The following HLA-DOB variants were observed in gnomAD, a reference collection of about 807,000 sequenced individuals.
HLA-DOB encodes HLA class II histocompatibility antigen, DO beta chain.
A neutral mutation model predicts 27.7 loss-of-function variants in HLA-DOB; 25 were observed. The observed-to-expected ratio is 0.90, with a 90% CI of 0.66 to 1.26. The LOEUF is 1.26. Ranked by LOEUF, HLA-DOB falls within the 50% of genes most tolerant of loss-of-function variation. The pLI, the probability that HLA-DOB is intolerant of heterozygous loss-of-function variation, is 0.00. For missense variants in HLA-DOB, 306 were observed against 324.9 expected, an observed-to-expected ratio of 0.94 and a Z score of 0.45; for synonymous variants, 137 against 125.6, an observed-to-expected ratio of 1.09 and a Z score of -0.61.
intron 1 of HLA-DOB, 125 bp from the exon 2 acceptor site, chr6:32,815,438 A>C: frequency 1.1e-6 from 1 of 879,896 alleles, no homozygotes; most frequent in Non-Finnish European, 1.8e-6. Flanking sequence ...CAAAAAGCAC[A>C]GTGTCAAGTG....
chr6:32,815,907 G>T (rs972410884), intron 1 of HLA-DOB, among the ~76,000 whole-genome samples: 1 of 152,118 alleles, frequency 6.6e-6, no homozygotes, highest in Non-Finnish European at 1.5e-5. Context: ...GACCTTCCTG[G>T]GTGAACCCCA....
At position 32,812,973 on chromosome 6, in the gene HLA-DOB, G is replaced by T. The variant is rs1041608912; in HGVS notation, c.*243C>A. Reference sequence around the variant, plus strand: ...CTGGAAGGAGTAAGGTCTCAGGGGAGTTTCTGGACAATGCCCTTGGCAATG... The same window carrying T: ...CTGGAAGGAGTAAGGTCTCAGGGGATTTTCTGGACAATGCCCTTGGCAATG... On this transcript the variant is annotated 3_prime_UTR_variant, in exon 6 of 6. Transcript: ENST00000438763. The T allele has an allele frequency of 1.7e-5, 10 of 584,630 alleles. No homozygotes were observed. Among genetic ancestry groups the T allele is most frequent in the African/African-American group, 1.3e-4 (7 of 53,626 alleles). The allele number at this position is 584,630 out of a possible 1,614,324, so 36.2% of individuals were successfully genotyped here.
rs757591344 is a variant in HLA-DOB, at chr6:32,814,648, C to T, written c.362-47G>A. ...GACACCGTGAAAGAAAACCACCAAG[C>T]TGGGACAGGAGATTCTTTAGGGACT... On this transcript the variant is annotated intron_variant, in intron 2 of 5. Coordinates refer to ENST00000438763, the MANE Select transcript of HLA-DOB (RefSeq NM_002120.4). 4.3e-4 allele frequency: 662 copies of T among 1,527,286 alleles called. 1 individual carries two copies. The highest frequency in any genetic ancestry group is 5.3e-4 in the Non-Finnish European group (588 of 1,109,944). The allele number at this position is 1,527,286 out of a possible 1,614,324, so 94.6% of individuals were successfully genotyped here.
In HLA-DOB at chr6:32,813,025, G is replaced by C; in HGVS notation, c.*191C>G. On this transcript the variant is annotated 3_prime_UTR_variant, in exon 6 of 6. Transcript: ENST00000438763. Reference sequence around the variant, plus strand: ...GGATTAATGATGTACACGTAGAAGGGAGAAGGGCAGATGGGTGGGAGATGC... The same window carrying C: ...GGATTAATGATGTACACGTAGAAGGCAGAAGGGCAGATGGGTGGGAGATGC... 1.1e-5 allele frequency: 7 copies of C among 634,746 alleles called. No homozygotes were observed. The highest frequency in any genetic ancestry group is 2.0e-5 in the Non-Finnish European group (7 of 353,672). The allele number at this position is 634,746 out of a possible 1,614,324, so 39.3% of individuals were successfully genotyped here.
Position 32,814,516 on chromosome 6 carries a change from A to G in HLA-DOB, c.447T>C (p.Tyr149=). The G allele has an allele frequency of 6.2e-7, 1 of 1,613,066 alleles. No homozygotes were observed. The highest frequency in any genetic ancestry group is 1.3e-5 in the African/African-American group (1 of 75,040). The part of the protein sequence containing the change: ...NLLHCSVTGF[Y]PGDIKIKWFL... ...ACCACTTGATCTTGATATCCCCTGG[A>G]TAGAAGCCTGTCACAGAGCAGTGCA... The change falls in exon 3 of 6, where the codon TAT becomes TAC. Residue 149 remains tyrosine, a synonymous_variant. Coordinates refer to ENST00000438763, the MANE Select transcript of HLA-DOB (RefSeq NM_002120.4).
chr6:32,813,252 C>G lies in HLA-DOB; in HGVS notation c.787-1G>C. 6.2e-7 allele frequency: 1 copy of G among 1,613,034 alleles called. No homozygotes were observed. On this transcript the variant is annotated splice_acceptor_variant, in intron 5 of 5. Transcript: ENST00000438763. LOFTEE classifies it high-confidence loss of function. Reference sequence around the variant, plus strand: ...GAGGGAGCAGAACAGCTCTTGAGACCTGGAGGCACAGTGATGAAGGTCTCA... The same window carrying G: ...GAGGGAGCAGAACAGCTCTTGAGACGTGGAGGCACAGTGATGAAGGTCTCA...
intron 4 of HLA-DOB, 104 bp downstream of exon 4, chr6:32,813,617 TGA>T: frequency 1.7e-6 from 2 of 1,182,754 alleles, no homozygotes; most frequent in Non-Finnish European, 2.5e-6. Context: ...CGGTGATCCC[TGA>T]GAGGCACAAT....
At position 32,814,448 on chromosome 6, in the gene HLA-DOB, C is replaced by T; in HGVS notation, c.515G>A (p.Gly172Asp). 1 of 1,610,434 alleles carries T rather than the reference C, an allele frequency of 6.2e-7. No individual in the cohort carries two copies. The highest frequency in any genetic ancestry group is 8.5e-7 in the Non-Finnish European group (1 of 1,177,508). The change falls in exon 3 of 6, where the codon GGC becomes GAC. Residue 172 changes from glycine (G) to aspartate (D), a missense_variant. Transcript: ENST00000438763. Reference sequence around the variant, plus strand: ...GGTCCAGTCTCCATTCCTGATAGGGCCAGTGGACATGACCCCAGCTCTCTC... The same window carrying T: ...GGTCCAGTCTCCATTCCTGATAGGGTCAGTGGACATGACCCCAGCTCTCTC... Reference protein sequence around the residue: ...QEERAGVMSTGPIRNGDWTFQ... With the variant: ...QEERAGVMSTDPIRNGDWTFQ...
At chr6:32,814,628 C>G (rs772576717) in intron 2 of HLA-DOB, 27 bp from the exon 3 acceptor site, 1 of 1,596,722 alleles carries the variant, frequency 6.3e-7, no homozygotes, top group Non-Finnish European at 8.6e-7. Flanking sequence ...AATGAGACAC[C>G]GTGAAAGAAA....
chr6:32,813,527 T>TC, intron 4 of HLA-DOB, 56 bp from the exon 5 acceptor site: 1 of 1,587,302 alleles, frequency 6.3e-7, no homozygotes, highest in Non-Finnish European at 8.6e-7. Flanking sequence ...AATATGATTA[T>TC]CCCGAGGGAA....
At chr6:32,814,251 A>T (rs5024480) in intron 3 of HLA-DOB, 69 bp downstream of exon 3, 1 of 949,900 alleles carries the variant, frequency 1.1e-6, no homozygotes, top group Non-Finnish European at 1.5e-6. Context: ...CGCAGAAGTG[A>T]CACAGGCTCT....
chr6:32,816,530 G>T (rs1768026021), intron 1 of HLA-DOB, among the ~76,000 whole-genome samples: 1 of 152,108 alleles, frequency 6.6e-6, no homozygotes, highest in Non-Finnish European at 1.5e-5. Flanking sequence ...CCTACTGCAG[G>T]TTGTTTCTCC....
Position 32,813,445 on chromosome 6 carries a change from T to TACCAGACATCTGCGTCCTC in HLA-DOB, c.762_780dup (p.Asn261GlufsTer7). 1 of 1,613,038 alleles carries TACCAGACATCTGCGTCCTC rather than the reference T, an allele frequency of 6.2e-7. No individual in the cohort carries two copies. Among genetic ancestry groups the TACCAGACATCTGCGTCCTC allele is most frequent in the Non-Finnish European group, 8.5e-7 (1 of 1,179,932 alleles). On this transcript the variant is annotated frameshift_variant, in exon 5 of 6. Transcript: ENST00000438763. LOFTEE classifies it low-confidence loss of function (END_TRUNC). ...CAAGGAAAAAGAGACATTACCTCAT[T>TACCAGACATCTGCGTCCTC]ACCAGACATCTGCGTCCTCACATAT... is the stretch of plus-strand genomic sequence containing the variant.
At chr6:32,813,337 G>C in intron 5 of HLA-DOB, 86 bp from the exon 6 acceptor site, 4 of 1,590,770 alleles carry the variant, frequency 2.5e-6, no homozygotes, top group Non-Finnish European at 3.4e-6. Flanking sequence ...GTCCCATCCA[G>C]ACAGCAGCAA....
Position 32,815,210 on chromosome 6 carries a change from A to T in HLA-DOB, c.195T>A (p.Arg65=). The change falls in exon 2 of 6, where the codon CGT becomes CGA. Residue 65 remains arginine, a synonymous_variant. Coordinates refer to ENST00000438763, the MANE Select transcript of HLA-DOB (RefSeq NM_002120.4). ...CAAACATCCCCACATCACTGTCGAAACGTACATACTCCTCCAAGTTAAAGA... is the reference window on the plus strand; with the variant it reads ...CAAACATCCCCACATCACTGTCGAATCGTACATACTCCTCCAAGTTAAAGA... The part of the protein sequence containing the change: ...RFIFNLEEYV[R]FDSDVGMFVA... 6.2e-7 allele frequency: 1 copy of T among 1,614,194 alleles called. No individual in the cohort carries two copies. The highest frequency in any genetic ancestry group is 8.5e-7 in the Non-Finnish European group (1 of 1,180,046).
At chr6:32,814,903 T>C in intron 2 of HLA-DOB, 141 bp downstream of exon 2, 2 of 1,013,966 alleles carry the variant, frequency 2.0e-6, no homozygotes, top group Non-Finnish European at 2.8e-6. Flanking sequence ...GTGAGGATAA[T>C]ATATCACAGC....
chr6:32,813,816 A>G lies in HLA-DOB; in HGVS notation c.661T>C (p.Ser221Pro). ...ATGCCACTCAGCATCTTTCTCCAAG[A>G]ATATTCAGACTGAGCTCCTATGGGA... The part of the protein sequence containing the change: ...SVEWRAQSEY[S>P]WRKMLSGIAA... The change falls in exon 4 of 6, where the codon TCT (serine) becomes CCT (proline). Residue 221 changes from serine (S) to proline (P), a missense_variant. Coordinates refer to ENST00000438763, the MANE Select transcript of HLA-DOB (RefSeq NM_002120.4). The G allele has an allele frequency of 6.4e-7, 1 of 1,557,092 alleles. No individual in the cohort carries two copies. The highest frequency in any genetic ancestry group is 8.7e-7 in the Non-Finnish European group (1 of 1,147,876).
In HLA-DOB at chr6:32,813,398, A is replaced by T. The variant is rs182136788; in HGVS notation, c.786+42T>A. The T allele has an allele frequency of 9.3e-6, 15 of 1,609,304 alleles. No individual in the cohort carries two copies. The East Asian group carries it at 3.3e-4, about 36-fold the overall frequency. On this transcript the variant is annotated intron_variant, in intron 5 of 5. Transcript: ENST00000438763. ...ATCTCCCTCTGGCCAAAGAACCGGG[A>T]GAATGATCTGCCACTCAAAGACAAG... is the stretch of plus-strand genomic sequence containing the variant.
chr6:32,816,338 TATTCTATTCAA>T (rs1768018114), intron 1 of HLA-DOB, among the ~76,000 whole-genome samples: 1 of 152,260 alleles, frequency 6.6e-6, no homozygotes, highest in South Asian at 2.1e-4. Flanking sequence ...AAGGACAATG[TATTCTATTCAA>T]CTTCTCTTAC....
Sources: gnomAD v4.1 joint callset for allele counts (sites outside exome capture counted in the v4.1 genomes callset) on GRCh38, gnomAD v4.1.1 for gene constraint, MANE v1.5 for transcripts, NCBI Gene and HGNC (gene_info 2026-07-23, HGNC 2026-07-21) for gene names.